Variants in TTC27 observed in about 807,000 individuals in gnomAD.
TTC27 encodes tetratricopeptide repeat protein 27.
TTC27 carries 79 observed loss-of-function variants against 115.9 expected under a neutral mutation model. The observed-to-expected ratio is 0.68, with a 90% confidence interval of 0.57 to 0.82. The LOEUF is 0.82. Ranked by LOEUF, TTC27 falls within the 40% of genes least tolerant of loss-of-function variation. The pLI is 0.00. For missense variants in TTC27, 1,054 were observed against 993.1 expected (o/e 1.06, Z -0.82); for synonymous variants, 401 against 356.0 (o/e 1.13, Z -1.42).
At chr2:32,650,019 GA>G in intron 4 of TTC27, 111 bp from the exon 5 acceptor site, 2 of 832,068 alleles carry the variant, frequency 2.4e-6, no homozygotes, top group Non-Finnish European at 3.8e-6. Context: ...TAATCTTATT[GA>G]GGAATAAATT....
intron 5 of TTC27, among the ~76,000 whole-genome samples, chr2:32,655,510 T>A (rs894029196): frequency 6.6e-6 from 1 of 152,154 alleles, no homozygotes; most frequent in East Asian, 1.9e-4. Context: ...AGCAGTTCAC[T>A]TGACTTCCAA....
chr2:32,731,066 G>A (rs1365180897), intron 10 of TTC27, among the ~76,000 whole-genome samples: 1 of 152,054 alleles, frequency 6.6e-6, no homozygotes, highest in East Asian at 1.9e-4. Context: ...GCGTGTGTAT[G>A]TGTGGGGTTT....
chr2:32,703,542 A>G (rs917186023), intron 10 of TTC27, among the ~76,000 whole-genome samples: 7 of 152,238 alleles, frequency 4.6e-5, no homozygotes, highest in African/African-American at 1.7e-4. Context: ...ATTAATAAAT[A>G]AAGATATGCA....
rs60347156 is a variant in TTC27, at chr2:32,810,114, C to CAAAA, written c.1999-897_1999-894dup. Among the ~76,000 whole-genome samples, 1,107 of 130,454 alleles carry CAAAA rather than the reference C, an allele frequency of 8.5e-3. 16 individuals are homozygous for CAAAA. Among genetic ancestry groups the CAAAA allele is most frequent in the Middle Eastern group, 0.027 (7 of 260 alleles). 85.6% of individuals were successfully genotyped at this position (130,454 alleles called of 152,430 possible). A position where few individuals can be genotyped will look rare whatever the true frequency, so the allele number is the denominator to read the frequency against. On this transcript the variant is annotated intron_variant, in intron 16 of 19. Coordinates refer to ENST00000317907, the MANE Select transcript of TTC27 (RefSeq NM_017735.5). ...TGGGCAACAGAGTAAGACTCTGTCTCAAAAAAAAAAAAAAAATGGTGAGCC... is the reference window on the plus strand; with the variant it reads ...TGGGCAACAGAGTAAGACTCTGTCTCAAAAAAAAAAAAAAAAAAAATGGTGAGCC...
At chr2:32,710,905 G>A (rs1667553304) in intron 10 of TTC27, among the ~76,000 whole-genome samples, 1 of 151,228 alleles carries the variant, frequency 6.6e-6, no homozygotes, top group Non-Finnish European at 1.5e-5. Flanking sequence ...CTTGAGGTTG[G>A]GAGTTCGAAA....
At chr2:32,711,225 A>C (rs1667568857) in intron 10 of TTC27, among the ~76,000 whole-genome samples, 1 of 151,700 alleles carries the variant, frequency 6.6e-6, no homozygotes, top group African/African-American at 2.4e-5. Context: ...GGGTTCGTTC[A>C]TTTTGCCATT....
chr2:32,669,580 C>T (rs1665930489), intron 7 of TTC27, among the ~76,000 whole-genome samples: 1 of 151,988 alleles, frequency 6.6e-6, no homozygotes, highest in African/African-American at 2.4e-5. Context: ...CAAAACATAT[C>T]CTGATTGGAA....
chr2:32,731,664 T>C (rs1668296793), intron 10 of TTC27, among the ~76,000 whole-genome samples: 1 of 152,136 alleles, frequency 6.6e-6, no homozygotes, highest in Admixed American at 6.5e-5. Context: ...GCACCCAACC[T>C]AGAGTTCTGT....
intron 16 of TTC27, among the ~76,000 whole-genome samples, chr2:32,789,615 A>C (rs147794138): frequency 8.5e-5 from 13 of 152,186 alleles, no homozygotes; most frequent in Non-Finnish European, 1.8e-4. Flanking sequence ...TTTTAAGAAC[A>C]TTTGCTTAGA....
chr2:32,728,037 CTTTTTTTTTTT>C (rs564322443), intron 10 of TTC27, among the ~76,000 whole-genome samples: 3 of 105,326 alleles, frequency 2.8e-5, no homozygotes, highest in African/African-American at 1.0e-4. Flanking sequence ...AGGACTGCCT[CTTTTTTTTTTT>C]TTTTTTTTTT....
Position 32,628,157 on chromosome 2 carries a change from A to G in TTC27, c.-136A>G, listed in dbSNP as rs2063523034. 3.9e-6 allele frequency: 3 copies of G among 776,740 alleles called. No homozygotes were observed. Among genetic ancestry groups the G allele is most frequent in the Non-Finnish European group, 6.3e-6 (3 of 473,700 alleles). 48.1% of individuals were successfully genotyped at this position (776,740 alleles called of 1,614,324 possible). On this transcript the variant is annotated 5_prime_UTR_variant, in exon 1 of 20. An upstream open reading frame in the 5' UTR loses its in-frame stop. Coordinates refer to ENST00000317907, the MANE Select transcript of TTC27 (RefSeq NM_017735.5). Reference sequence around the variant, plus strand: ...AGGTAGTATCCGCACATGGAATTCTAGGGCCGCAGGTGTATTTACGGTAAC... The same window carrying G: ...AGGTAGTATCCGCACATGGAATTCTGGGGCCGCAGGTGTATTTACGGTAAC...
At chr2:32,780,028 T>C (rs1021643041) in intron 14 of TTC27, 19 of 443,174 alleles carry the variant, frequency 4.3e-5, no homozygotes, top group Non-Finnish European at 8.1e-5. Context: ...TTTCATTGAC[T>C]GTATGTCACA....
chr2:32,809,981 G>T (rs1408380369), intron 16 of TTC27, among the ~76,000 whole-genome samples: 1 of 152,098 alleles, frequency 6.6e-6, no homozygotes, highest in African/African-American at 2.4e-5. Context: ...GCCAGGCATG[G>T]TGGCGCTCAC....
chr2:32,796,347 T>G (rs1300054080), intron 16 of TTC27, among the ~76,000 whole-genome samples: 1 of 152,126 alleles, frequency 6.6e-6, no homozygotes, highest in Non-Finnish European at 1.5e-5. Flanking sequence ...ATTGAAAAAC[T>G]TAACATTGTT....
chr2:32,762,460 A>C (rs773087026), intron 13 of TTC27, among the ~76,000 whole-genome samples: 72 of 152,216 alleles, frequency 4.7e-4, no homozygotes, highest in Non-Finnish European at 5.7e-4. Flanking sequence ...TTGGGTTTTT[A>C]TTTGACAGAT....
At chr2:32,742,842 G>GA (rs1239725196) in intron 12 of TTC27, among the ~76,000 whole-genome samples, 1 of 152,170 alleles carries the variant, frequency 6.6e-6, no homozygotes, top group Non-Finnish European at 1.5e-5. Flanking sequence ...TAGAAGGCTA[G>GA]AATTAGACTA....
chr2:32,813,359 T>C (rs1405958481), intron 18 of TTC27, among the ~76,000 whole-genome samples: 1 of 152,148 alleles, frequency 6.6e-6, no homozygotes, highest in Admixed American at 6.5e-5. Flanking sequence ...TTACAACAAA[T>C]AGGGAGCAAA....
At chr2:32,704,887 T>C (rs1183793856) in intron 10 of TTC27, 3 of 471,410 alleles carry the variant, frequency 6.4e-6, no homozygotes, top group Middle Eastern at 3.2e-4. Flanking sequence ...ACTTATCCTG[T>C]CACTGGGGAT....
At chr2:32,642,461 C>T (rs979497007) in intron 4 of TTC27, among the ~76,000 whole-genome samples, 4 of 151,624 alleles carry the variant, frequency 2.6e-5, no homozygotes, top group South Asian at 2.1e-4. Flanking sequence ...CCATGTTGGC[C>T]GTGTTGGTTT....
Sources: allele counts gnomAD v4.1 joint callset (sites outside exome capture counted in the v4.1 genomes callset), GRCh38; gene constraint gnomAD v4.1.1; transcripts MANE v1.5; gene names NCBI Gene and HGNC (gene_info 2026-07-23, HGNC 2026-07-21).